Variants in TENM4 observed in about 807,000 individuals in gnomAD.
TENM4 encodes the protein teneurin transmembrane protein 4.
In TENM4, 82 loss-of-function variants were observed where a neutral mutation model predicts 243.3. The observed-to-expected ratio is 0.34, with a 90% CI of 0.28 to 0.40. The LOEUF is 0.40. Ranked by LOEUF, TENM4 falls within the 10% of genes least tolerant of loss-of-function variation. The probability of loss-of-function intolerance (pLI) is 1.00; values close to 1 mark genes in which losing one functional copy is unlikely to be tolerated. For synonymous variants in TENM4, 1,412 were observed against 1,456.3 expected (o/e 0.97, Z 0.69); for missense variants, 3,138 against 3,673.3 (o/e 0.85, Z 3.77).
At chr11:79,073,455 C>T (rs1029622747) in intron 4 of TENM4, among the ~76,000 whole-genome samples, 3 of 152,080 alleles carry the variant, frequency 2.0e-5, no homozygotes, top group African/African-American at 7.2e-5. Flanking sequence ...ATCCGGTGCT[C>T]ACAAAATGCC....
chr11:78,819,221 G>A (rs1857673671), intron 12 of TENM4, among the ~76,000 whole-genome samples: 2 of 152,290 alleles, frequency 1.3e-5, no homozygotes, highest in East Asian at 1.9e-4. Context: ...TGCGGTGCCC[G>A]TTTTGACTGT....
chr11:79,210,839 T>C (rs577696052), intron 3 of TENM4, among the ~76,000 whole-genome samples: 1 of 152,336 alleles, frequency 6.6e-6, no homozygotes, highest in African/African-American at 2.4e-5. Context: ...TTAGAATTAG[T>C]AGTGGATGAC....
chr11:78,708,403 T>C lies in TENM4; in HGVS notation c.4167A>G (p.Ser1389=). Residue 1389 remains serine (S), a synonymous_variant, in exon 27 of 34, where the codon TCA becomes TCG. Coordinates refer to ENST00000278550, the MANE Select transcript of TENM4 (RefSeq NM_001098816.3). The stretch of plus-strand genomic sequence containing the variant: ...CAGAATCACAGCTGAGTGGCCGGGC[T>C]GATGTGAGATCATTAGAGCCGAGCA... The part of the protein sequence containing the change: ...STLLGSNDLT[S]ARPLSCDSVM... 6.2e-7 allele frequency: 1 copy of C among 1,614,044 alleles called. No homozygotes were observed. The highest frequency in any genetic ancestry group is 8.5e-7 in the Non-Finnish European group (1 of 1,179,886).
intron 31 of TENM4, among the ~76,000 whole-genome samples, chr11:78,671,442 T>G (rs565615039): frequency 6.6e-6 from 1 of 152,356 alleles, no homozygotes; most frequent in East Asian, 1.9e-4. Flanking sequence ...AAATGGGGCA[T>G]GCAGTGCACT....
intron 3 of TENM4, among the ~76,000 whole-genome samples, chr11:79,193,358 T>A (rs1863554347): frequency 6.6e-6 from 1 of 152,186 alleles, no homozygotes; most frequent in Non-Finnish European, 1.5e-5. Flanking sequence ...AAATGCTGCC[T>A]CCCATCAGGA....
At chr11:78,672,893 C>T (rs910017682) in intron 30 of TENM4, among the ~76,000 whole-genome samples, 1 of 152,052 alleles carries the variant, frequency 6.6e-6, no homozygotes, top group African/African-American at 2.4e-5. Flanking sequence ...CTTCTGGGGG[C>T]TCTGAACTTC....
chr11:78,861,307 C>A (rs1444357299), intron 10 of TENM4, among the ~76,000 whole-genome samples: 1 of 152,218 alleles, frequency 6.6e-6, no homozygotes, highest in Admixed American at 6.5e-5. Context: ...TAGAGAGAAT[C>A]TAGCTCAATA....
At chr11:79,147,968 G>A (rs1862423217) in intron 4 of TENM4, among the ~76,000 whole-genome samples, 1 of 152,078 alleles carries the variant, frequency 6.6e-6, no homozygotes, top group Admixed American at 6.6e-5. Flanking sequence ...CAGAGGCATG[G>A]TAGTGACTAT....
At chr11:79,102,243 A>G (rs1301566197) in intron 4 of TENM4, among the ~76,000 whole-genome samples, 1 of 152,226 alleles carries the variant, frequency 6.6e-6, no homozygotes, top group Non-Finnish European at 1.5e-5. Flanking sequence ...AAAAATAAAC[A>G]GAAGGAATAG....
chr11:79,068,519 C>T (rs1419338698), intron 5 of TENM4: 1 of 152,482 alleles, frequency 6.6e-6, no homozygotes. Flanking sequence ...GTGGCCAGCT[C>T]CTCTTACCTC....
intron 4 of TENM4, among the ~76,000 whole-genome samples, chr11:79,102,462 A>G (rs1468019597): frequency 6.6e-6 from 1 of 152,166 alleles, no homozygotes; most frequent in East Asian, 1.9e-4. Context: ...GCTCCTGGAG[A>G]AGCCAGCGCT....
chr11:78,918,593 C>T (rs1210628378), intron 6 of TENM4, among the ~76,000 whole-genome samples: 1 of 152,150 alleles, frequency 6.6e-6, no homozygotes, highest in Non-Finnish European at 1.5e-5. Flanking sequence ...ATTTATACAG[C>T]CCAGGGCATC....
chr11:79,262,617 G>A (rs921528573), intron 2 of TENM4, among the ~76,000 whole-genome samples: 1 of 152,198 alleles, frequency 6.6e-6, no homozygotes, highest in Admixed American at 6.5e-5. Flanking sequence ...GAGACCTCAA[G>A]ATGTAACTCT....
At chr11:79,180,388 A>G (rs1018033810) in intron 3 of TENM4, among the ~76,000 whole-genome samples, 5 of 151,692 alleles carry the variant, frequency 3.3e-5, no homozygotes, top group African/African-American at 1.2e-4. Flanking sequence ...TATAGATTCC[A>G]AAGGTTGAAG....
chr11:78,864,413 G>C (rs376001589), intron 9 of TENM4, among the ~76,000 whole-genome samples: 1 of 105,204 alleles, frequency 9.5e-6, no homozygotes, highest in Non-Finnish European at 1.7e-5. Flanking sequence ...CAGCCTGGGC[G>C]ACAGAGCGAG....
intron 6 of TENM4, among the ~76,000 whole-genome samples, chr11:79,002,410 G>C (rs916521035): frequency 9.2e-5 from 14 of 152,244 alleles, no homozygotes; most frequent in Non-Finnish European, 1.9e-4. Context: ...ACCCATTGGA[G>C]TGTTGTGGCC....
intron 3 of TENM4, among the ~76,000 whole-genome samples, chr11:79,202,421 G>A (rs1012686782): frequency 1.3e-5 from 2 of 152,184 alleles, no homozygotes; most frequent in African/African-American, 4.8e-5. Context: ...GATGATGTTT[G>A]TGATTGTTGC....
At chr11:79,316,247 A>C (rs1856800815) in intron 1 of TENM4, among the ~76,000 whole-genome samples, 3 of 152,198 alleles carry the variant, frequency 2.0e-5, no homozygotes, top group Non-Finnish European at 2.9e-5. Context: ...CTGATATAAA[A>C]AAAAGAATGA....
chr11:79,118,886 T>C (rs1026445184), intron 4 of TENM4, among the ~76,000 whole-genome samples: 1 of 152,214 alleles, frequency 6.6e-6, no homozygotes, highest in Non-Finnish European at 1.5e-5. Context: ...AGACCTCTCT[T>C]TGAGACCCTG....
Sources: gnomAD v4.1 joint callset for allele counts (sites outside exome capture counted in the v4.1 genomes callset) on GRCh38, gnomAD v4.1.1 for gene constraint, MANE v1.5 for transcripts, NCBI Gene and HGNC (gene_info 2026-07-23, HGNC 2026-07-21) for gene names.